Variants in CLMN observed in about 807,000 individuals in gnomAD.
CLMN encodes calmin.
A neutral mutation model predicts 92.7 loss-of-function variants in CLMN; 57 were observed. The ratio of observed to expected loss-of-function variants is 0.61; its 90% confidence interval spans 0.50 to 0.77. The LOEUF is 0.77. CLMN is among the 30% of genes least tolerant of loss of function. The pLI, the probability that CLMN is intolerant of heterozygous loss-of-function variation, is 0.00. For synonymous variants in CLMN, 466 were observed against 470.6 expected, an observed-to-expected ratio of 0.99 and a Z score of 0.13; for missense variants, 1,158 against 1,237.5, an observed-to-expected ratio of 0.94 and a Z score of 0.96.
chr14:95,196,579 C>G lies in CLMN; in HGVS notation c.2627G>C (p.Ser876Thr). The change falls in exon 10 of 13, where the codon AGT (serine) becomes ACT (threonine). Residue 876 changes from serine to threonine, a missense_variant. By Grantham distance (58) the Ser-to-Thr change is moderately conservative. Coordinates refer to ENST00000298912, the MANE Select transcript of CLMN (RefSeq NM_024734.4). The part of the protein sequence containing the change: ...EKRKHVDHVE[S>T]SLFVAPGSVQ... ...ACTTCCTGGTGCTACAAATAGTGAA[C>G]TTTCTACGTGGTCCACATGTTTCCT... 3 of 1,614,226 alleles carry G rather than the reference C, an allele frequency of 1.9e-6. No homozygotes were observed. Among genetic ancestry groups the G allele is most frequent in the South Asian group, 2.2e-5 (2 of 91,080 alleles).
chr14:95,252,343 G>C (rs1898823594), intron 1 of CLMN, among the ~76,000 whole-genome samples: 1 of 152,090 alleles, frequency 6.6e-6, no homozygotes, highest in African/African-American at 2.4e-5. Flanking sequence ...AGCATTGCAG[G>C]GTTGCCTTGA....
chr14:95,287,785 C>G (rs1054071696), intron 1 of CLMN, among the ~76,000 whole-genome samples: 1 of 152,148 alleles, frequency 6.6e-6, no homozygotes, highest in Non-Finnish European at 1.5e-5. Flanking sequence ...CCTGCAGCCT[C>G]CAGTCCAAGG....
chr14:95,262,779 C>T (rs753495527), intron 1 of CLMN, among the ~76,000 whole-genome samples: 2 of 152,140 alleles, frequency 1.3e-5, no homozygotes, highest in African/African-American at 2.4e-5. Context: ...GTTGCCCAGT[C>T]TGGTCTCAAA....
Position 95,297,821 on chromosome 14 carries a change from A to T in CLMN, c.82+21890T>A, listed in dbSNP as rs938035021. 4.2e-5 allele frequency among the ~76,000 whole-genome samples: 3 copies of T among 71,768 alleles called. No homozygotes were observed. The Admixed American group carries it at 4.8e-4, about 11-fold the overall frequency. 47.1% of individuals were successfully genotyped at this position (71,768 alleles called of 152,430 possible). A position where few individuals can be genotyped will look rare whatever the true frequency, so the allele number is the denominator to read the frequency against. On this transcript the variant is annotated intron_variant, in intron 1 of 12. Transcript: ENST00000298912. Reference sequence around the variant, plus strand: ...TTATGAATATGGCAGGCACACACACACACACACACACACACACACACACAC... The same window carrying T: ...TTATGAATATGGCAGGCACACACACTCACACACACACACACACACACACAC...
Position 95,191,585 on chromosome 14 carries a change from T to C in CLMN, c.2988A>G (p.Gln996=), listed in dbSNP as rs916373144. Residue 996 remains glutamine, a synonymous_variant, in exon 13 of 13, where the codon CAA becomes CAG. Transcript: ENST00000298912. The surrounding 1 kb of genome is among the most constrained non-coding windows in gnomAD (Gnocchi z 5.3). Reference sequence around the variant, plus strand: ...CGTATCAGAGCCTGCTAACATCCAGTTGTGGGAAGAGCAGCAAGCAGTACA... The same window carrying C: ...CGTATCAGAGCCTGCTAACATCCAGCTGTGGGAAGAGCAGCAAGCAGTACA... ...LLVYCLLLFP[Q]LDVSRL 3 of 1,613,104 alleles carry C rather than the reference T, an allele frequency of 1.9e-6. No individual in the cohort carries two copies. Among genetic ancestry groups the C allele is most frequent in the African/African-American group, 1.3e-5 (1 of 74,924 alleles).
intron 2 of CLMN, among the ~76,000 whole-genome samples, chr14:95,225,781 G>A (rs1006606781): frequency 2.6e-5 from 4 of 152,220 alleles, no homozygotes; most frequent in African/African-American, 4.8e-5. Flanking sequence ...GAGTGTGGAG[G>A]GGGGCCTGGG....
In CLMN at chr14:95,238,507, C is replaced by T. The variant is rs188776475; in HGVS notation, c.83-8374G>A. Among the ~76,000 whole-genome samples, 165 of 152,292 alleles carry T rather than the reference C, an allele frequency of 1.1e-3. 3 individuals carry two copies. In the East Asian group the frequency reaches 0.025, roughly 24 times the overall value. On this transcript the variant is annotated intron_variant, in intron 1 of 12. Coordinates refer to ENST00000298912, the MANE Select transcript of CLMN (RefSeq NM_024734.4). Reference sequence around the variant, plus strand: ...CCTCATGTTTGCTCTGACCCAAGTCCCTTTTATCAAGACTTTGGTAATAAA... The same window carrying T: ...CCTCATGTTTGCTCTGACCCAAGTCTCTTTTATCAAGACTTTGGTAATAAA...
intron 1 of CLMN, among the ~76,000 whole-genome samples, chr14:95,257,165 G>A (rs1324922261): frequency 6.6e-6 from 1 of 152,210 alleles, no homozygotes; most frequent in Non-Finnish European, 1.5e-5. Flanking sequence ...CTGGGTTGAC[G>A]TTTGCACGAG....
In CLMN at chr14:95,224,529, C is replaced by T. The variant is rs536575200; in HGVS notation, c.145-674G>A. Among the ~76,000 whole-genome samples, 25 of 152,232 alleles carry T rather than the reference C, an allele frequency of 1.6e-4. No individual in the cohort carries two copies. The South Asian group carries it at 3.5e-3, about 21-fold the overall frequency. On this transcript the variant is annotated intron_variant, in intron 2 of 12. Coordinates refer to ENST00000298912, the MANE Select transcript of CLMN (RefSeq NM_024734.4). ...AACTCCTGACCTCAGGTGATCCGCC[C>T]GCCTCGGCCTCCCAAAGTGCTGGAA...
At chr14:95,257,344 C>T (rs1566898601) in intron 1 of CLMN, among the ~76,000 whole-genome samples, 1 of 152,176 alleles carries the variant, frequency 6.6e-6, no homozygotes, top group Non-Finnish European at 1.5e-5. Context: ...AACAGATTTA[C>T]ATCATTCTGT....
intron 1 of CLMN, among the ~76,000 whole-genome samples, chr14:95,236,196 C>T (rs536768200): frequency 2.0e-5 from 3 of 152,328 alleles, no homozygotes; most frequent in South Asian, 2.1e-4. Flanking sequence ...GGAACATGGC[C>T]GCTCAGTGAA....
intron 1 of CLMN, among the ~76,000 whole-genome samples, chr14:95,257,587 C>T (rs1045397389): frequency 6.6e-6 from 1 of 152,262 alleles, no homozygotes; most frequent in African/African-American, 2.4e-5. Context: ...TAAAGGTGCT[C>T]AGGCACACAC....
intron 1 of CLMN, among the ~76,000 whole-genome samples, chr14:95,307,128 G>A (rs1901318941): frequency 1.3e-5 from 2 of 152,202 alleles, no homozygotes; most frequent in African/African-American, 4.8e-5. Context: ...ACCAGGAGAA[G>A]TTGGGGTTAT....
At position 95,301,979 on chromosome 14, in the gene CLMN, G is replaced by A. The variant is rs190046623; in HGVS notation, c.82+17732C>T. On this transcript the variant is annotated intron_variant, in intron 1 of 12. Transcript: ENST00000298912. ...GTGACCGATTCATTCACCTCATTCA[G>A]TTGGGCCACCACAACACTGAGCTAT... 2.6e-5 allele frequency among the ~76,000 whole-genome samples: 4 copies of A among 152,310 alleles called. No individual in the cohort carries two copies. In the East Asian group the frequency reaches 7.7e-4, roughly 29 times the overall value.
chr14:95,296,400 T>C (rs1358128658), intron 1 of CLMN, among the ~76,000 whole-genome samples: 1 of 152,266 alleles, frequency 6.6e-6, no homozygotes, highest in Non-Finnish European at 1.5e-5. Flanking sequence ...CTGGAAGTTG[T>C]AGTACAGACT....
chr14:95,300,353 G>C (rs1174992738), intron 1 of CLMN, among the ~76,000 whole-genome samples: 4 of 152,362 alleles, frequency 2.6e-5, no homozygotes, highest in African/African-American at 9.6e-5. Context: ...CTTTGGAGCT[G>C]AGCCTGTTTT....
chr14:95,221,549 T>A, intron 4 of CLMN, 142 bp downstream of exon 4: 1 of 699,750 alleles, frequency 1.4e-6, no homozygotes, highest in African/African-American at 1.8e-5. Context: ...GTGATTTCTG[T>A]GAAATTTAAG....
intron 1 of CLMN, among the ~76,000 whole-genome samples, chr14:95,268,158 G>A (rs1027765728): frequency 6.6e-6 from 1 of 152,140 alleles, no homozygotes; most frequent in Admixed American, 6.5e-5. Context: ...AAAATAGCTA[G>A]AAGAGAAAAA....
chr14:95,319,578 A>C, intron 1 of CLMN, 133 bp downstream of exon 1: 2 of 705,454 alleles, frequency 2.8e-6, no homozygotes, highest in Non-Finnish European at 2.2e-6. Context: ...CCAGCCTCCC[A>C]CCTCGAGGCA....
Sources: allele counts gnomAD v4.1 joint callset (sites outside exome capture counted in the v4.1 genomes callset), GRCh38; gene constraint gnomAD v4.1.1; non-coding constraint Gnocchi (gnomAD v3.1); transcripts MANE v1.5; gene names NCBI Gene and HGNC (gene_info 2026-07-23, HGNC 2026-07-21).